Variants in SLC1A4 observed in about 807,000 individuals in gnomAD.
SLC1A4 encodes the protein solute carrier family 1 member 4.
A neutral mutation model predicts 37.7 loss-of-function variants in SLC1A4; 19 were observed. The observed-to-expected ratio is 0.50, with a 90% CI of 0.35 to 0.74. The LOEUF is 0.74. SLC1A4 is among the 30% of genes least tolerant of loss of function. The probability of loss-of-function intolerance (pLI) is 0.01; values close to 1 mark genes in which losing one functional copy is unlikely to be tolerated. For missense variants in SLC1A4, 570 were observed against 712.9 expected (o/e 0.80, Z 2.28); for synonymous variants, 299 against 309.8 (o/e 0.97, Z 0.37).
At chr2:65,011,155 G>T (rs1362488154) in intron 4 of SLC1A4, among the ~76,000 whole-genome samples, 4 of 152,192 alleles carry the variant, frequency 2.6e-5, no homozygotes, top group African/African-American at 7.2e-5. Flanking sequence ...ATCTGAAAAT[G>T]ATAGACTTGA....
At chr2:64,994,277 T>G (rs1044274068) in intron 1 of SLC1A4, among the ~76,000 whole-genome samples, 1 of 152,258 alleles carries the variant, frequency 6.6e-6, no homozygotes, top group African/African-American at 2.4e-5. Context: ...TGATCTCCAG[T>G]TGACCTCCGC....
At chr2:65,003,834 C>G in intron 2 of SLC1A4, 119 bp from the exon 3 acceptor site, 1 of 731,960 alleles carries the variant, frequency 1.4e-6, no homozygotes. Context: ...TGAGGAATGC[C>G]CAGGACACTC....
intron 4 of SLC1A4, among the ~76,000 whole-genome samples, chr2:65,014,199 A>C (rs552846975): frequency 6.6e-6 from 1 of 152,348 alleles, no homozygotes; most frequent in South Asian, 2.1e-4. Context: ...AACAAAGTTA[A>C]AAGTCAAGAC....
Position 65,018,434 on chromosome 2 carries a change from A to G in SLC1A4, c.1230-111A>G. ...CTCAAGGGCGTAGCCAGCAGAGCCT[A>G]TGGTGGGGCGGTTTTTAGTTTCCAG... On this transcript the variant is annotated intron_variant, in intron 6 of 7. Transcript: ENST00000234256. The surrounding 1 kb of genome is among the most constrained non-coding windows in gnomAD (Gnocchi z 4.3). 1 of 1,481,910 alleles carries G rather than the reference A, an allele frequency of 6.7e-7. No homozygotes were observed. Among genetic ancestry groups the G allele is most frequent in the Non-Finnish European group, 9.2e-7 (1 of 1,092,218 alleles). 91.8% of individuals were successfully genotyped at this position (1,481,910 alleles called of 1,614,324 possible).
chr2:65,005,732 G>A (rs1012325582), intron 3 of SLC1A4, among the ~76,000 whole-genome samples: 2 of 152,216 alleles, frequency 1.3e-5, no homozygotes, highest in Admixed American at 1.3e-4. Flanking sequence ...AGTGGCTTAC[G>A]CCTATAATCC....
chr2:65,020,711 T>G (rs1334253329), intron 7 of SLC1A4, among the ~76,000 whole-genome samples: 1 of 152,250 alleles, frequency 6.6e-6, no homozygotes, highest in Non-Finnish European at 1.5e-5. Context: ...TTTATGCTCT[T>G]TTTTATTCTT....
At chr2:64,990,309 T>G in intron 1 of SLC1A4, 139 bp downstream of exon 1, 1 of 899,902 alleles carries the variant, frequency 1.1e-6, no homozygotes, top group Non-Finnish European at 1.6e-6. Context: ...GTTTTAAAAA[T>G]ATCAAAATGA....
chr2:65,004,066 A>T, intron 3 of SLC1A4, 51 bp downstream of exon 3: 1 of 1,474,610 alleles, frequency 6.8e-7, no homozygotes. Flanking sequence ...AACAAATCTT[A>T]TTTCTTCTTT....
At chr2:64,998,008 C>G (rs1182092566) in intron 1 of SLC1A4, among the ~76,000 whole-genome samples, 2 of 152,024 alleles carry the variant, frequency 1.3e-5, no homozygotes, top group Admixed American at 6.6e-5. Context: ...CTGAGGGGGG[C>G]AGATCACGAG....
In SLC1A4 at chr2:65,018,528, G is replaced by A; in HGVS notation, c.1230-17G>A. 2 of 1,613,740 alleles carry A rather than the reference G, an allele frequency of 1.2e-6. No individual in the cohort carries two copies. The highest frequency in any genetic ancestry group is 1.3e-5 in the African/African-American group (1 of 75,050). Reference sequence around the variant, plus strand: ...ACGCTCTATGTTAATGGCTGGCCCTGCTCTGCCATCCCTTAGAGTGACTGC... The same window carrying A: ...ACGCTCTATGTTAATGGCTGGCCCTACTCTGCCATCCCTTAGAGTGACTGC... On this transcript the variant is annotated splice_polypyrimidine_tract_variant and intron_variant, in intron 6 of 7. Coordinates refer to ENST00000234256, the MANE Select transcript of SLC1A4 (RefSeq NM_003038.5). The surrounding 1 kb of genome is among the most constrained non-coding windows in gnomAD (Gnocchi z 4.3).
intron 4 of SLC1A4, among the ~76,000 whole-genome samples, chr2:65,013,640 C>A (rs1182712279): frequency 6.6e-6 from 1 of 152,130 alleles, no homozygotes; most frequent in African/African-American, 2.4e-5. Flanking sequence ...AGCAAGAGAG[C>A]GAGAGACCTG....
chr2:64,989,466 C>G lies in SLC1A4; in HGVS notation c.-178C>G. The G allele has an allele frequency of 2.0e-6, 1 of 495,522 alleles. No individual in the cohort carries two copies. The highest frequency in any genetic ancestry group is 3.3e-6 in the Non-Finnish European group (1 of 305,406). The allele number at this position is 495,522 out of a possible 1,614,324, so 30.7% of individuals were successfully genotyped here. A position where few individuals can be genotyped will look rare whatever the true frequency, so the allele number is the denominator to read the frequency against. ...TCTCCGCCCGCGGCTCCAACCCGCA[C>G]TCTGCGCCTCTCCTCGCCTTTCTCG... On this transcript the variant is annotated 5_prime_UTR_variant, in exon 1 of 8. Coordinates refer to ENST00000234256, the MANE Select transcript of SLC1A4 (RefSeq NM_003038.5).
At chr2:65,015,211 G>A (rs1253996184) in intron 4 of SLC1A4, among the ~76,000 whole-genome samples, 1 of 152,218 alleles carries the variant, frequency 6.6e-6, no homozygotes, top group Non-Finnish European at 1.5e-5. Context: ...TGATTTCAAA[G>A]TTTGGGATGA....
chr2:65,009,604 CTT>C (rs1673830901), intron 3 of SLC1A4, among the ~76,000 whole-genome samples: 1 of 152,230 alleles, frequency 6.6e-6, no homozygotes, highest in African/African-American at 2.4e-5. Context: ...TTGCCAGACA[CTT>C]GGGCTAGGGC....
At chr2:65,013,215 A>ATTTTG (rs766624961) in intron 4 of SLC1A4, among the ~76,000 whole-genome samples, 1 of 152,022 alleles carries the variant, frequency 6.6e-6, no homozygotes, top group Admixed American at 6.6e-5. Context: ...GGACATTTGC[A>ATTTTG]TTTTGTTTTG....
chr2:64,988,979 C>A (rs1375424796), upstream of SLC1A4, among the ~76,000 whole-genome samples: 1 of 152,068 alleles, frequency 6.6e-6, no homozygotes, highest in Non-Finnish European at 1.5e-5. Flanking sequence ...GGAGGAACGC[C>A]GCTGCGTTCT....
upstream of SLC1A4, chr2:64,989,329 C>CGGGCTG (rs1672942126): frequency 4.2e-6 from 1 of 236,668 alleles, no homozygotes; most frequent in Non-Finnish European, 8.1e-6. Flanking sequence ...GTGAAGTGAG[C>CGGGCTG]GGGCTGGGGC....
rs780580422 is a variant in SLC1A4, at chr2:65,016,711, T to C, written c.1034+38T>C. 5 of 1,398,498 alleles carry C rather than the reference T, an allele frequency of 3.6e-6. No homozygotes were observed. The African/African-American group carries it at 7.1e-5, about 20-fold the overall frequency. The allele number at this position is 1,398,498 out of a possible 1,614,324, so 86.6% of individuals were successfully genotyped here. On this transcript the variant is annotated intron_variant, in intron 5 of 7. Coordinates refer to ENST00000234256, the MANE Select transcript of SLC1A4 (RefSeq NM_003038.5). ...TGGGTCTCTTCACTGCTCTGAGCCA[T>C]GTTAACATGGAACCAGGTGAGCCCA...
rs766489399 is a variant in SLC1A4 at position 65,003,985 on chromosome 2, C to G, written c.603C>G (p.Asn201Lys). 6.2e-6 allele frequency: 10 copies of G among 1,613,880 alleles called. No homozygotes were observed. Among genetic ancestry groups the G allele is most frequent in the Non-Finnish European group, 5.1e-6 (6 of 1,179,794 alleles). ...CCGATTATAAAGTCGTGACCCAGAA[C>G]AGCAGCTCTGGAAATGTAACCCATG... ...YATDYKVVTQNSSSGNVTHEK... is the reference protein window; with the variant it reads ...YATDYKVVTQKSSSGNVTHEK... Residue 201 changes from asparagine to lysine, a missense_variant, in exon 3 of 8, where the codon AAC (asparagine) becomes AAG (lysine). Physicochemically the swap from Asn to Lys is moderately conservative, Grantham distance 94. Coordinates refer to ENST00000234256, the MANE Select transcript of SLC1A4 (RefSeq NM_003038.5).
Sources: gnomAD v4.1 joint callset for allele counts (sites outside exome capture counted in the v4.1 genomes callset) on GRCh38, gnomAD v4.1.1 for gene constraint, Gnocchi (gnomAD v3.1) non-coding constraint, MANE v1.5 for transcripts, NCBI Gene and HGNC (gene_info 2026-07-23, HGNC 2026-07-21) for gene names.